Variants in CCDC14 observed in about 807,000 individuals in gnomAD.
CCDC14 encodes the protein coiled-coil domain containing 14.
Under a neutral mutation model 81.4 loss-of-function variants are expected in CCDC14, and 71 were observed. The observed-to-expected ratio is 0.87, with a 90% CI of 0.72 to 1.06. The LOEUF (loss-of-function observed/expected upper bound fraction) is 1.06, where lower values mean the gene tolerates loss of function less well. Ranked by LOEUF, CCDC14 falls within the 50% of genes least tolerant of loss-of-function variation. The pLI is 0.00. For missense variants in CCDC14, 1,046 were observed against 1,047.3 expected (o/e 1.00, Z 0.02); for synonymous variants, 332 against 364.8 (o/e 0.91, Z 1.03).
chr3:123,950,559 T>C (rs1381504263), intron 5 of CCDC14, among the ~76,000 whole-genome samples: 1 of 152,156 alleles, frequency 6.6e-6, no homozygotes, highest in Non-Finnish European at 1.5e-5. Context: ...ATCACATTTA[T>C]AGGAAGTCAT....
chr3:123,938,522 A>G (rs1244975678), intron 9 of CCDC14, among the ~76,000 whole-genome samples: 1 of 151,982 alleles, frequency 6.6e-6, no homozygotes, highest in Non-Finnish European at 1.5e-5. Flanking sequence ...ATCTTCTACA[A>G]GAGTTATCAT....
rs193059862 is a variant in CCDC14 at position 123,913,843 on chromosome 3, C to T, written c.*936G>A. On this transcript the variant is annotated 3_prime_UTR_variant, in exon 13 of 13. Coordinates refer to ENST00000409697, the MANE Select transcript of CCDC14 (RefSeq NM_001366335.1). Reference sequence around the variant, plus strand: ...ACATTCAGCTTCCTAAGAGTTAAAACGTGCTGCTTACATGAAGGGAGATGA... The same window carrying T: ...ACATTCAGCTTCCTAAGAGTTAAAATGTGCTGCTTACATGAAGGGAGATGA... 8 of 985,264 alleles carry T rather than the reference C, an allele frequency of 8.1e-6. No homozygotes were observed. In the East Asian group the frequency reaches 3.4e-4, roughly 42 times the overall value. The allele number at this position is 985,264 out of a possible 1,614,324, so 61.0% of individuals were successfully genotyped here.
intron 10 of CCDC14, chr3:123,933,436 TTAAA>T (rs749509815): frequency 5.7e-5 from 28 of 489,166 alleles, no homozygotes; most frequent in Non-Finnish European, 8.0e-5. Flanking sequence ...TCAGTAAGTG[TTAAA>T]TAAATCAATT....
At chr3:123,906,125 C>T (rs188383010) in intron 5 of CCDC14, among the ~76,000 whole-genome samples, 1,794 of 152,042 alleles carry the variant, frequency 0.012, 31 homozygotes, top group African/African-American at 0.041. Context: ...GTCAGGAGAT[C>T]GAGACCATCC....
intron 7 of CCDC14, 127 bp downstream of exon 7, chr3:123,948,564 C>CAA: frequency 1.3e-6 from 1 of 789,956 alleles, no homozygotes; most frequent in South Asian, 1.9e-5. Context: ...ACTTTTATAG[C>CAA]AAAAAAAAAT....
downstream of CCDC14, among the ~76,000 whole-genome samples, chr3:123,895,389 G>A (rs1307102977): frequency 6.6e-6 from 1 of 152,190 alleles, no homozygotes. Flanking sequence ...TTACATGGGT[G>A]TTGAATAATA....
rs373890694 is a variant in CCDC14, at chr3:123,948,888, G to A, written c.589+8C>T. The A allele has an allele frequency of 1.3e-4, 201 of 1,606,706 alleles. No individual in the cohort carries two copies. The highest frequency in any genetic ancestry group is 2.8e-4 in the Admixed American group (17 of 59,912). On this transcript the variant is annotated splice_region_variant and intron_variant, in intron 6 of 12. Transcript: ENST00000409697. The stretch of plus-strand genomic sequence containing the variant: ...CACTCACGATTTTTAAACAGCATTC[G>A]TACTCACCAGAATGAGAGGGAGCAT...
At chr3:123,959,722 C>T (rs1814975) in intron 1 of CCDC14, among the ~76,000 whole-genome samples, 16,664 of 152,014 alleles carry the variant, frequency 0.11, 2,048 homozygotes, top group East Asian at 0.42. Context: ...GACAGTGGTA[C>T]GTGGAAACCA....
At chr3:123,926,905 GAGCATGTA>G (rs2035394906) in intron 12 of CCDC14, among the ~76,000 whole-genome samples, 1 of 152,164 alleles carries the variant, frequency 6.6e-6, no homozygotes, top group Non-Finnish European at 1.5e-5. Flanking sequence ...AGGAGTAGAA[GAGCATGTA>G]GATTTATCTG....
intron 3 of CCDC14, 109 bp from the exon 4 acceptor site, chr3:123,956,224 A>G: frequency 1.6e-6 from 2 of 1,281,118 alleles, no homozygotes. Flanking sequence ...TATTATTGGT[A>G]GAAAAGATGT....
the CCDC14 span, among the ~76,000 whole-genome samples, chr3:123,890,443 G>A: frequency 1.3e-5 from 2 of 152,178 alleles, no homozygotes; most frequent in Non-Finnish European, 2.9e-5. Flanking sequence ...AAGCAAGTTA[G>A]TTACTTCCTA....
intron 12 of CCDC14, among the ~76,000 whole-genome samples, chr3:123,925,577 AG>A (rs1179318431): frequency 2.0e-5 from 3 of 152,096 alleles, no homozygotes; most frequent in African/African-American, 7.2e-5. Flanking sequence ...CTGGGATTAC[AG>A]GCACCTGCTA....
intron 5 of CCDC14, among the ~76,000 whole-genome samples, chr3:123,904,657 C>T (rs1577202362): frequency 1.4e-5 from 2 of 144,976 alleles, no homozygotes; most frequent in African/African-American, 5.0e-5. Flanking sequence ...GCAACTGTAA[C>T]AAAAGCTATA....
intron 12 of CCDC14, among the ~76,000 whole-genome samples, chr3:123,917,071 C>T (rs1350087346): frequency 6.6e-6 from 1 of 151,804 alleles, no homozygotes; most frequent in Non-Finnish European, 1.5e-5. Flanking sequence ...TCTCGATCTC[C>T]TGACCTCGTG....
downstream of CCDC14, among the ~76,000 whole-genome samples, chr3:123,908,520 C>A (rs760460864): frequency 2.6e-5 from 4 of 152,208 alleles, no homozygotes; most frequent in Admixed American, 6.5e-5. Flanking sequence ...AATTTTCCCA[C>A]CAACTTAAAA....
intron 5 of CCDC14, among the ~76,000 whole-genome samples, chr3:123,952,327 G>A (rs946185123): frequency 2.0e-5 from 3 of 152,034 alleles, no homozygotes; most frequent in East Asian, 1.9e-4. Flanking sequence ...TTTGAAATAC[G>A]TAAGAACACC....
chr3:123,919,761 T>A (rs1261396610), intron 12 of CCDC14, among the ~76,000 whole-genome samples: 2 of 152,180 alleles, frequency 1.3e-5, no homozygotes, highest in Non-Finnish European at 2.9e-5. Flanking sequence ...TGAAGGTCTA[T>A]CCCCTTCACC....
chr3:123,901,246 T>TAA (rs576824336), intron 5 of CCDC14, among the ~76,000 whole-genome samples: 1 of 135,294 alleles, frequency 7.4e-6, no homozygotes. Context: ...AATAAAAAAA[T>TAA]AAAAAAAAAA....
At position 123,915,731 on chromosome 3, in the gene CCDC14, A is replaced by T; in HGVS notation, c.1779-13T>A. 2 of 1,542,952 alleles carry T rather than the reference A, an allele frequency of 1.3e-6. No homozygotes were observed. Among genetic ancestry groups the T allele is most frequent in the Non-Finnish European group, 1.8e-6 (2 of 1,137,390 alleles). On this transcript the variant is annotated splice_polypyrimidine_tract_variant and intron_variant, in intron 12 of 12. Coordinates refer to ENST00000409697, the MANE Select transcript of CCDC14 (RefSeq NM_001366335.1). ...AGTCTGTAAAGTTCTGTTAAGAAGA[A>T]TCCAGAACACTAATTATTATTTTTT...
Sources: gnomAD v4.1 joint callset for allele counts (sites outside exome capture counted in the v4.1 genomes callset) on GRCh38, gnomAD v4.1.1 for gene constraint, MANE v1.5 for transcripts, NCBI Gene and HGNC (gene_info 2026-07-23, HGNC 2026-07-21) for gene names.